The following CLYBL variants were observed in gnomAD, a reference collection of about 807,000 sequenced individuals.
The protein encoded by CLYBL is citramalyl-CoA lyase, also known as citramalyl-CoA lyase, mitochondrial.
A neutral mutation model predicts 38.9 loss-of-function variants in CLYBL; 31 were observed. The ratio of observed to expected loss-of-function variants is 0.80; its 90% confidence interval spans 0.60 to 1.08. The LOEUF is 1.08. Ranked by LOEUF, CLYBL falls within the 50% of genes least tolerant of loss-of-function variation. The pLI is 0.00. For missense variants in CLYBL, 434 were observed against 411.6 expected, an observed-to-expected ratio of 1.05 and a Z score of -0.47; for synonymous variants, 171 against 158.6, an observed-to-expected ratio of 1.08 and a Z score of -0.59.
chr13:99,699,692 C>G (rs973558798), intron 1 of CLYBL, among the ~76,000 whole-genome samples: 2 of 108,490 alleles, frequency 1.8e-5, no homozygotes, highest in Admixed American at 1.8e-4. Flanking sequence ...GACTCCGTCT[C>G]AAAAAAAAAA....
intron 1 of CLYBL, among the ~76,000 whole-genome samples, chr13:99,726,928 G>A (rs1566303069): frequency 6.6e-6 from 1 of 152,168 alleles, no homozygotes; most frequent in African/African-American, 2.4e-5. Context: ...GGAGGCTGAG[G>A]CGGGCAGATC....
chr13:99,863,110 C>T lies in CLYBL; in HGVS notation c.540+18C>T, dbSNP rs761780555. On this transcript the variant is annotated intron_variant, in intron 4 of 8. Coordinates refer to ENST00000339105, the MANE Select transcript of CLYBL (RefSeq NM_206808.5). ...ATTTTAAGGTAAGGAAGCCATAATACGGTTAATAAGTTAGCATTTTATTTA... is the reference window on the plus strand; with the variant it reads ...ATTTTAAGGTAAGGAAGCCATAATATGGTTAATAAGTTAGCATTTTATTTA... The T allele has an allele frequency of 1.8e-5, 24 of 1,366,354 alleles. No individual in the cohort carries two copies. The East Asian group carries it at 2.8e-4, about 16-fold the overall frequency. The allele number at this position is 1,366,354 out of a possible 1,614,324, so 84.6% of individuals were successfully genotyped here.
At position 99,606,717 on chromosome 13, in the gene CLYBL, A is replaced by G. The variant is rs1327467320; in HGVS notation, c.22A>G (p.Arg8Gly). Residue 8 changes from arginine (R) to glycine (G), a missense_variant, in exon 1 of 9, where the codon AGG becomes GGG. Physicochemically the swap from Arg to Gly is moderately radical, Grantham distance 125. Coordinates refer to ENST00000339105, the MANE Select transcript of CLYBL (RefSeq NM_206808.5). The part of the protein sequence containing the change: MALRLLR[R>G]AARGAAAAAL... Reference sequence around the variant, plus strand: ...GAAGATGGCGCTACGTCTGCTGCGGAGGGCGGCGCGCGGAGCTGCGGCGGC... The same window carrying G: ...GAAGATGGCGCTACGTCTGCTGCGGGGGGCGGCGCGCGGAGCTGCGGCGGC... The G allele has an allele frequency of 1.3e-6, 2 of 1,492,848 alleles. No homozygotes were observed. The highest frequency in any genetic ancestry group is 8.9e-7 in the Non-Finnish European group (1 of 1,127,858). The allele number at this position is 1,492,848 out of a possible 1,614,324, so 92.5% of individuals were successfully genotyped here. A position where few individuals can be genotyped will look rare whatever the true frequency, so the allele number is the denominator to read the frequency against.
At chr13:99,716,817 G>GTTTTCTTTT (rs2048324073) in intron 1 of CLYBL, among the ~76,000 whole-genome samples, 1 of 119,930 alleles carries the variant, frequency 8.3e-6, no homozygotes, top group Non-Finnish European at 1.7e-5. Flanking sequence ...TTGAGACGGA[G>GTTTTCTTTT]TTTAGCTCTT....
chr13:99,844,258 C>T (rs571048194), intron 2 of CLYBL, among the ~76,000 whole-genome samples: 1 of 152,308 alleles, frequency 6.6e-6, no homozygotes, highest in South Asian at 2.1e-4. Context: ...GCCTAGTTGT[C>T]TGGATTCCAG....
intron 1 of CLYBL, among the ~76,000 whole-genome samples, chr13:99,675,176 A>G (rs2047625420): frequency 6.6e-6 from 1 of 152,208 alleles, no homozygotes; most frequent in African/African-American, 2.4e-5. Flanking sequence ...AGGGGCAGAC[A>G]ATATTTAAAT....
Position 99,717,501 on chromosome 13 carries a change from C to T in CLYBL, c.63-55323C>T, listed in dbSNP as rs183758343. On this transcript the variant is annotated intron_variant, in intron 1 of 8. Coordinates refer to ENST00000339105, the MANE Select transcript of CLYBL (RefSeq NM_206808.5). ...TTGAGGCAGGGTCTCGGTCTGTTGC[C>T]TAGGCTGGAGTGCAGTGGCACGATC... Among the ~76,000 whole-genome samples the T allele has an allele frequency of 1.8e-3, 268 of 151,080 alleles. 2 individuals carry two copies. The highest frequency in any genetic ancestry group is 6.3e-3 in the African/African-American group (258 of 41,128).
chr13:99,856,173 G>A (rs901200969), intron 2 of CLYBL, among the ~76,000 whole-genome samples: 5 of 152,116 alleles, frequency 3.3e-5, no homozygotes, highest in Non-Finnish European at 5.9e-5. Context: ...ATGGCAATCC[G>A]ACTTTAGATA....
At chr13:99,637,171 A>G (rs2047029823) in intron 1 of CLYBL, among the ~76,000 whole-genome samples, 1 of 152,140 alleles carries the variant, frequency 6.6e-6, no homozygotes, top group Admixed American at 6.5e-5. Context: ...ACTGTGTCCA[A>G]CCTAATTTAA....
intron 2 of CLYBL, among the ~76,000 whole-genome samples, chr13:99,854,192 G>T (rs2051400726): frequency 6.6e-6 from 1 of 152,002 alleles, no homozygotes; most frequent in Non-Finnish European, 1.5e-5. Context: ...TTGCACCCAG[G>T]GCTGTCTCTG....
At chr13:99,747,390 T>C (rs1032126749) in intron 1 of CLYBL, among the ~76,000 whole-genome samples, 2 of 151,766 alleles carry the variant, frequency 1.3e-5, no homozygotes, top group Non-Finnish European at 2.9e-5. Context: ...CCTCCTTGCC[T>C]CCTGCCGCTC....
At chr13:99,771,157 C>T (rs542407062) in intron 1 of CLYBL, among the ~76,000 whole-genome samples, 146 of 151,984 alleles carry the variant, frequency 9.6e-4, no homozygotes, top group African/African-American at 3.3e-3. Flanking sequence ...CCACCTCAGC[C>T]TCCTGAGTAG....
intron 1 of CLYBL, among the ~76,000 whole-genome samples, chr13:99,706,568 T>C (rs774677047): frequency 6.6e-6 from 1 of 152,284 alleles, no homozygotes; most frequent in African/African-American, 2.4e-5. Flanking sequence ...GAAGGTGATA[T>C]GTAGTAAGTG....
At chr13:99,699,732 G>A (rs1339557523) in intron 1 of CLYBL, among the ~76,000 whole-genome samples, 96 of 148,994 alleles carry the variant, frequency 6.4e-4, no homozygotes, top group Middle Eastern at 7.3e-3. Flanking sequence ...AGTGGCTCAC[G>A]CCTGTAATCC....
At chr13:99,894,436 C>T (rs1195166362), downstream of CLYBL, 3 of 152,226 alleles carry the variant, frequency 2.0e-5, no homozygotes, top group African/African-American at 7.2e-5. Context: ...CCATATCACC[C>T]CCGTTATTAA....
At chr13:99,894,196 G>A (rs7333559), downstream of CLYBL, 101,815 of 152,226 alleles carry the variant, frequency 0.67, 36,205 homozygotes, top group East Asian at 0.79. Context: ...CCCCACCCGC[G>A]TCTCTGTGGT....
chr13:99,773,292 G>A (rs2049439170), intron 2 of CLYBL, among the ~76,000 whole-genome samples: 1 of 152,214 alleles, frequency 6.6e-6, no homozygotes, highest in South Asian at 2.1e-4. Flanking sequence ...TGGCCATGAT[G>A]TTTGCCGGTC....
chr13:99,620,559 G>A (rs903804467), intron 1 of CLYBL, among the ~76,000 whole-genome samples: 1 of 152,200 alleles, frequency 6.6e-6, no homozygotes. Flanking sequence ...GGCGGATCAC[G>A]AGGTCAGGAG....
At chr13:99,710,686 C>T (rs112103464) in intron 1 of CLYBL, among the ~76,000 whole-genome samples, 5 of 152,088 alleles carry the variant, frequency 3.3e-5, no homozygotes, top group Admixed American at 1.3e-4. Flanking sequence ...TCCCTGTCCT[C>T]GGGGAATCTT....
Sources: gnomAD v4.1 joint callset for allele counts (sites outside exome capture counted in the v4.1 genomes callset) on GRCh38, gnomAD v4.1.1 for gene constraint, MANE v1.5 for transcripts, NCBI Gene and HGNC (gene_info 2026-07-23, HGNC 2026-07-21) for gene names.